Variants in NCOA1 observed in about 807,000 individuals in gnomAD.
NCOA1 encodes nuclear receptor coactivator 1, also known as Hin-2 protein.
Under a neutral mutation model 150.9 loss-of-function variants are expected in NCOA1, and 35 were observed. The ratio of observed to expected loss-of-function variants is 0.23; its 90% CI spans 0.18 to 0.31. The LOEUF is 0.31. NCOA1 is among the 10% of genes least tolerant of loss of function. The pLI is 1.00. For synonymous variants in NCOA1, 590 were observed against 630.0 expected, an observed-to-expected ratio of 0.94 and a Z score of 0.95; for missense variants, 1,491 against 1,749.3, an observed-to-expected ratio of 0.85 and a Z score of 2.63.
chr2:24,711,580 T>C (rs1273578040), intron 14 of NCOA1: 1 of 152,288 alleles, frequency 6.6e-6, no homozygotes, highest in Admixed American at 6.5e-5. Flanking sequence ...AAGAATGTAG[T>C]TTAGATTTCT....
At chr2:24,705,405 A>G (rs1673370793) in intron 12 of NCOA1, among the ~76,000 whole-genome samples, 172 bp downstream of exon 12, 1 of 152,194 alleles carries the variant, frequency 6.6e-6, no homozygotes, top group Admixed American at 6.5e-5. Context: ...TAGTTTTATC[A>G]TGTAATAGCT....
At chr2:24,736,226 AAAAAAAAAAAAG>A (rs1445611857) in intron 17 of NCOA1, among the ~76,000 whole-genome samples, 5 of 150,454 alleles carry the variant, frequency 3.3e-5, no homozygotes, top group Non-Finnish European at 7.4e-5. Flanking sequence ...CGTCTCAAAA[AAAAAAAAAAAAG>A]AAAAAGAAAA....
rs141081338 is a variant in NCOA1 at position 24,574,925 on chromosome 2, T to G, written c.-259-9551T>G. On this transcript the variant is annotated intron_variant, in intron 2 of 22. Transcript: ENST00000348332. The stretch of plus-strand genomic sequence containing the variant: ...GTCTTTAACATTTCTTTCCCCCCAA[T>G]CACTGGTTTTCAACAATTTGATTAT... 5.3e-3 allele frequency among the ~76,000 whole-genome samples: 800 copies of G among 152,266 alleles called. 5 individuals carry two copies. Among genetic ancestry groups the G allele is most frequent in the African/African-American group, 0.018 (765 of 41,552 alleles).
intron 3 of NCOA1, among the ~76,000 whole-genome samples, chr2:24,606,306 A>G (rs6545646): frequency 0.3 from 44,909 of 151,832 alleles, 6,825 homozygotes; most frequent in East Asian, 0.44. Flanking sequence ...GTGCAATCTC[A>G]GCTCACTGCA....
At chr2:24,532,900 T>C (rs1664960190) in intron 1 of NCOA1, among the ~76,000 whole-genome samples, 2 of 152,216 alleles carry the variant, frequency 1.3e-5, no homozygotes, top group Non-Finnish European at 2.9e-5. Flanking sequence ...CCTCCAGCTT[T>C]GTTCTTTTGG....
At chr2:24,671,346 C>T (rs1671674416) in intron 6 of NCOA1, among the ~76,000 whole-genome samples, 1 of 151,994 alleles carries the variant, frequency 6.6e-6, no homozygotes, top group Admixed American at 6.6e-5. Flanking sequence ...TCTGAGTATG[C>T]TCAAGTCCCT....
At chr2:24,617,513 C>G (rs1668924609) in intron 3 of NCOA1, among the ~76,000 whole-genome samples, 1 of 152,190 alleles carries the variant, frequency 6.6e-6, no homozygotes, top group Non-Finnish European at 1.5e-5. Context: ...ATACACTCCA[C>G]TATCATTAAT....
intron 6 of NCOA1, among the ~76,000 whole-genome samples, chr2:24,672,837 A>G (rs994875822): frequency 2.6e-5 from 4 of 152,318 alleles, no homozygotes; most frequent in Non-Finnish European, 4.4e-5. Context: ...TGGGATATGC[A>G]ACATCACCTC....
At chr2:24,706,473 T>G in intron 12 of NCOA1, 95 bp from the exon 13 acceptor site, 304 of 1,328,646 alleles carry the variant, frequency 2.3e-4, no homozygotes, top group Non-Finnish European at 2.8e-4. Flanking sequence ...GCAATATTAA[T>G]GAGATCAATG....
At chr2:24,603,851 A>G (rs951796204) in intron 3 of NCOA1, among the ~76,000 whole-genome samples, 1 of 152,264 alleles carries the variant, frequency 6.6e-6, no homozygotes, top group Non-Finnish European at 1.5e-5. Flanking sequence ...AATGGCATCC[A>G]GTATGATGAA....
At chr2:24,655,008 T>G (rs1670870445) in intron 4 of NCOA1, among the ~76,000 whole-genome samples, 1 of 152,234 alleles carries the variant, frequency 6.6e-6, no homozygotes, top group South Asian at 2.1e-4. Flanking sequence ...TGCTTTATTT[T>G]TCTCCAGAGT....
intron 4 of NCOA1, among the ~76,000 whole-genome samples, chr2:24,649,210 CAT>C (rs1187238372): frequency 6.6e-6 from 1 of 152,124 alleles, no homozygotes; most frequent in Non-Finnish European, 1.5e-5. Context: ...ATTATAGACA[CAT>C]GTTACTGCAC....
intron 8 of NCOA1, among the ~76,000 whole-genome samples, chr2:24,683,843 C>T (rs1037139859): frequency 6.6e-6 from 1 of 152,108 alleles, no homozygotes; most frequent in Non-Finnish European, 1.5e-5. Context: ...TTTCAATAGT[C>T]AGTGTATATT....
chr2:24,725,708 A>AGT (rs1190323239), intron 14 of NCOA1, among the ~76,000 whole-genome samples: 3 of 78,216 alleles, frequency 3.8e-5, no homozygotes, highest in Non-Finnish European at 6.0e-5. Context: ...GTGGACCTAA[A>AGT]GTGTGCGTGT....
chr2:24,755,713 TG>T (rs1664465251), intron 20 of NCOA1, among the ~76,000 whole-genome samples: 1 of 152,212 alleles, frequency 6.6e-6, no homozygotes, highest in South Asian at 2.1e-4. Flanking sequence ...GATGCTAAAA[TG>T]GAACTATTGG....
chr2:24,641,029 G>A (rs572780857), intron 3 of NCOA1, among the ~76,000 whole-genome samples: 1 of 152,016 alleles, frequency 6.6e-6, no homozygotes, highest in East Asian at 1.9e-4. Flanking sequence ...ACATTTTTTA[G>A]TAGAGTGCTA....
chr2:24,585,874 A>G (rs1250925881), intron 3 of NCOA1, among the ~76,000 whole-genome samples: 2 of 152,176 alleles, frequency 1.3e-5, no homozygotes, highest in Non-Finnish European at 2.9e-5. Context: ...TTAGTTTTTC[A>G]AAACTGTTTT....
At chr2:24,768,047 G>A in intron 22 of NCOA1, 174 bp from the exon 23 acceptor site, 1 of 1,610,720 alleles carries the variant, frequency 6.2e-7, no homozygotes, top group South Asian at 1.1e-5. Context: ...AGAACCCTGA[G>A]CAAAATGAGT....
At chr2:24,533,393 T>C (rs980542255) in intron 1 of NCOA1, among the ~76,000 whole-genome samples, 1 of 152,272 alleles carries the variant, frequency 6.6e-6, no homozygotes, top group Non-Finnish European at 1.5e-5. Context: ...CATCTGAGAA[T>C]AGAGACAATT....
Sources: allele counts gnomAD v4.1 joint callset (sites outside exome capture counted in the v4.1 genomes callset), GRCh38; gene constraint gnomAD v4.1.1; transcripts MANE v1.5; gene names NCBI Gene and HGNC (gene_info 2026-07-23, HGNC 2026-07-21).